MRPS23: variants seen among roughly 807,000 people sequenced by gnomAD.
The protein encoded by MRPS23 is small ribosomal subunit protein mS23.
MRPS23 carries 14 observed loss-of-function variants against 19.8 expected under a neutral mutation model. The ratio of observed to expected loss-of-function variants is 0.71; its 90% CI spans 0.47 to 1.11. MRPS23 has a LOEUF of 1.11. Among genes scored for constraint, MRPS23 ranks in the 50% least tolerant of loss-of-function variants. The pLI, the probability that MRPS23 is intolerant of heterozygous loss-of-function variation, is 0.00. For synonymous variants in MRPS23, 113 were observed against 89.7 expected, an observed-to-expected ratio of 1.26 and a Z score of -1.47; for missense variants, 242 against 236.7, an observed-to-expected ratio of 1.02 and a Z score of -0.15.
At chr17:57,840,374 G>A (rs908370207) in intron 4 of MRPS23, among the ~76,000 whole-genome samples, 3 of 140,766 alleles carry the variant, frequency 2.1e-5, no homozygotes, top group Admixed American at 7.4e-5. Context: ...GTGACAGAGC[G>A]AGACTCCGTC....
At position 57,837,337 on chromosome 17, in the gene MRPS23, A is replaced by G. The variant is rs1240435946; in HGVS notation, c.*2446T>C. 1 of 152,230 alleles carries G rather than the reference A, an allele frequency of 6.6e-6. No homozygotes were observed. The allele number at this position is 152,230 out of a possible 1,614,324, so 9.4% of individuals were successfully genotyped here. ...GACGAAGATATCAAAACTCAAAATGATCTGCTCCTTGATCCAGCATCCCAT... is the reference window on the plus strand; with the variant it reads ...GACGAAGATATCAAAACTCAAAATGGTCTGCTCCTTGATCCAGCATCCCAT... On this transcript the variant is annotated 3_prime_UTR_variant, in exon 5 of 5. Coordinates refer to ENST00000313608, the MANE Select transcript of MRPS23 (RefSeq NM_016070.4).
rs1388839624 is a variant in MRPS23 at position 57,839,386 on chromosome 17, C to T, written c.*397G>A. 6.4e-6 allele frequency: 1 copy of T among 155,866 alleles called. No homozygotes were observed. The highest frequency in any genetic ancestry group is 2.4e-5 in the African/African-American group (1 of 41,538). The allele number at this position is 155,866 out of a possible 1,614,324, so 9.7% of individuals were successfully genotyped here. A position where few individuals can be genotyped will look rare whatever the true frequency, so the allele number is the denominator to read the frequency against. On this transcript the variant is annotated 3_prime_UTR_variant, in exon 5 of 5. Transcript: ENST00000313608. ...TAGCCAAGGTTCCACAACATGTGTACACGTATAAGTCTGATGGATCAGAAG... is the reference window on the plus strand; with the variant it reads ...TAGCCAAGGTTCCACAACATGTGTATACGTATAAGTCTGATGGATCAGAAG...
chr17:57,839,840 T>C lies in MRPS23; in HGVS notation c.516A>G (p.Pro172=). 3 of 1,614,226 alleles carry C rather than the reference T, an allele frequency of 1.9e-6. No individual in the cohort carries two copies. Among genetic ancestry groups the C allele is most frequent in the East Asian group, 2.2e-5 (1 of 44,886 alleles). Residue 172 remains proline, a synonymous_variant, in exon 5 of 5, where the codon CCA becomes CCG. Coordinates refer to ENST00000313608, the MANE Select transcript of MRPS23 (RefSeq NM_016070.4). The part of the protein sequence containing the change: ...LEENETQKEV[P]QDQHLEAPAD... ...CAGGTGCCTCCAAATGCTGGTCCTG[T>C]GGAACTTCTTTCTGAGTCTCGTTTT... is the stretch of plus-strand genomic sequence containing the variant.
chr17:57,840,774 T>A, intron 4 of MRPS23, 152 bp downstream of exon 4: 1 of 824,450 alleles, frequency 1.2e-6, no homozygotes, highest in Non-Finnish European at 1.8e-6. Context: ...TGGGAGGATA[T>A]GTGTAGGTTA....
chr17:57,840,704 C>T, intron 4 of MRPS23: 1 of 402,976 alleles, frequency 2.5e-6, no homozygotes, highest in Non-Finnish European at 4.3e-6. Context: ...AGTATAACTA[C>T]TTACATAGCA....
intron 2 of MRPS23, among the ~76,000 whole-genome samples, chr17:57,845,666 ACT>A (rs1324149955): frequency 6.6e-6 from 1 of 152,194 alleles, no homozygotes; most frequent in Non-Finnish European, 1.5e-5. Flanking sequence ...TTTCTAGCCC[ACT>A]GTTCCTGAAA....
intron 3 of MRPS23, 28 bp from the exon 4 acceptor site, chr17:57,841,080 G>A: frequency 3.1e-6 from 5 of 1,612,946 alleles, no homozygotes; most frequent in Non-Finnish European, 4.2e-6. Context: ...CACATTTTAG[G>A]TATGTTTGTA....
intron 4 of MRPS23, 83 bp downstream of exon 4, chr17:57,840,843 T>G (rs1568015070): frequency 6.5e-7 from 1 of 1,533,652 alleles, no homozygotes; most frequent in East Asian, 2.3e-5. Flanking sequence ...TATTGGTATC[T>G]GCAGGGGCCC....
intron 2 of MRPS23, among the ~76,000 whole-genome samples, chr17:57,842,166 C>G (rs2073743881): frequency 1.3e-5 from 2 of 152,120 alleles, no homozygotes; most frequent in South Asian, 2.1e-4. Context: ...TTCGCAGCAC[C>G]ACCATGCCTG....
At position 57,848,982 on chromosome 17, in the gene MRPS23, T is replaced by A. The variant is rs1568017636; in HGVS notation, c.215+258A>T. On this transcript the variant is annotated intron_variant, in intron 2 of 4. Coordinates refer to ENST00000313608, the MANE Select transcript of MRPS23 (RefSeq NM_016070.4). Reference sequence around the variant, plus strand: ...AATGCTTGCAAAGAGCTTAGTACAGTGCCTGGCCCAAAGCAGATGCCCAGA... The same window carrying A: ...AATGCTTGCAAAGAGCTTAGTACAGAGCCTGGCCCAAAGCAGATGCCCAGA... 4 of 493,042 alleles carry A rather than the reference T, an allele frequency of 8.1e-6. No homozygotes were observed. In the East Asian group the frequency reaches 1.4e-4, roughly 17 times the overall value. The allele number at this position is 493,042 out of a possible 1,614,324, so 30.5% of individuals were successfully genotyped here.
At chr17:57,842,891 TACACAC>T (rs35501487) in intron 2 of MRPS23, among the ~76,000 whole-genome samples, 1,118 of 76,602 alleles carry the variant, frequency 0.015, 30 homozygotes, top group African/African-American at 0.05. Context: ...TATATATATA[TACACAC>T]ACACACACAC....
chr17:57,847,292 C>CA lies in MRPS23; in HGVS notation c.215+1947dup, dbSNP rs754912035. Among the ~76,000 whole-genome samples the CA allele has an allele frequency of 7.8e-3, 666 of 84,892 alleles. 3 individuals are homozygous for CA. The highest frequency in any genetic ancestry group is 0.016 in the African/African-American group (370 of 22,448). 55.7% of individuals were successfully genotyped at this position (84,892 alleles called of 152,430 possible). On this transcript the variant is annotated intron_variant, in intron 2 of 4. Transcript: ENST00000313608. ...TGGGTGGCAGAGCGAGACTCCATCT[C>CA]AAAAAAAAAAAAAAAGAATGTTCCT...
At chr17:57,846,931 A>AT (rs1422688780) in intron 2 of MRPS23, among the ~76,000 whole-genome samples, 36 of 151,182 alleles carry the variant, frequency 2.4e-4, no homozygotes, top group Non-Finnish European at 4.7e-4. Flanking sequence ...AAAAAATAAA[A>AT]AATAATAAAA....
rs542382778 is a variant in MRPS23, at chr17:57,837,524, C to A, written c.*2259G>T. The A allele has an allele frequency of 6.6e-6, 1 of 152,080 alleles. No individual in the cohort carries two copies. The highest frequency in any genetic ancestry group is 2.4e-5 in the African/African-American group (1 of 41,364). The allele number at this position is 152,080 out of a possible 1,614,324, so 9.4% of individuals were successfully genotyped here. On this transcript the variant is annotated 3_prime_UTR_variant, in exon 5 of 5. Coordinates refer to ENST00000313608, the MANE Select transcript of MRPS23 (RefSeq NM_016070.4). ...CATGCCCAAAATATTTCTGGAAGAG[C>A]GCACAAGGAAATGGTGATAGTGATG... is the stretch of plus-strand genomic sequence containing the variant.
rs149198678 is a variant in MRPS23, at chr17:57,839,816, A to G, written c.540T>C (p.Pro180=). The change falls in exon 5 of 5, where the codon CCT becomes CCC. Residue 180 remains proline, a synonymous_variant. Transcript: ENST00000313608. ...EVPQDQHLEA[P]ADQSKGLLPP ...GCAAGAGACCTTTCGACTGGTCTGC[A>G]GGTGCCTCCAAATGCTGGTCCTGTG... 4.4e-5 allele frequency: 71 copies of G among 1,614,210 alleles called. No individual in the cohort carries two copies. In the African/African-American group the frequency reaches 7.3e-4, roughly 17 times the overall value.
At chr17:57,842,860 T>A (rs2073747455) in intron 2 of MRPS23, among the ~76,000 whole-genome samples, 1 of 77,556 alleles carries the variant, frequency 1.3e-5, no homozygotes, top group Non-Finnish European at 2.6e-5. Flanking sequence ...TGAGACCCTG[T>A]CTCTAAAAAA....
chr17:57,849,558 C>T (rs1177443358), intron 1 of MRPS23, 148 bp from the exon 2 acceptor site: 1 of 963,932 alleles, frequency 1.0e-6, no homozygotes, highest in Non-Finnish European at 1.5e-6. Flanking sequence ...CAGAGAAGAT[C>T]TGTCCACATC....
chr17:57,849,894 G>A, intron 1 of MRPS23, 73 bp downstream of exon 1: 1 of 1,521,378 alleles, frequency 6.6e-7, no homozygotes, highest in Non-Finnish European at 8.8e-7. Context: ...TCCGCTCCAA[G>A]GAAGAGCGTG....
intron 2 of MRPS23, among the ~76,000 whole-genome samples, chr17:57,848,320 TAAGAAA>T (rs149460647): frequency 2.6e-3 from 393 of 149,954 alleles, no homozygotes; most frequent in African/African-American, 9.2e-3. Flanking sequence ...CCACTGAGCT[TAAGAAA>T]AAGAAAAAAA....
Sources: allele counts gnomAD v4.1 joint callset (sites outside exome capture counted in the v4.1 genomes callset), GRCh38; gene constraint gnomAD v4.1.1; transcripts MANE v1.5; gene names NCBI Gene and HGNC (gene_info 2026-07-23, HGNC 2026-07-21).